Variants in ARSL observed in about 807,000 individuals in gnomAD.
The protein encoded by ARSL is arylsulfatase E (chondrodysplasia punctata 1).
ARSL carries 4 observed loss-of-function variants against 31.1 expected under a neutral mutation model. That is an observed-to-expected ratio of 0.13 (90% CI 0.06 to 0.29). ARSL has a LOEUF of 0.29. Ranked by LOEUF, ARSL falls within the 10% of genes least tolerant of loss-of-function variation. The pLI, the probability that ARSL is intolerant of heterozygous loss-of-function variation, is 1.00. For missense variants in ARSL, 312 were observed against 497.8 expected (o/e 0.63, Z 3.55); for synonymous variants, 198 against 209.9 (o/e 0.94, Z 0.49).
At chrX:2,948,799 A>G (rs2089419617) in intron 6 of ARSL, among the ~76,000 whole-genome samples, 1 of 111,473 alleles carries the variant, frequency 9.0e-6, no homozygotes, top group Non-Finnish European at 1.9e-5. Context: ...CTCAGCTGTA[A>G]CAATGTTTTA....
chrX:2,944,402 T>C (rs1314015264), intron 7 of ARSL, among the ~76,000 whole-genome samples: 1 of 101,210 alleles, frequency 9.9e-6, no homozygotes, highest in African/African-American at 3.7e-5. Flanking sequence ...TGCAGTGAGC[T>C]GAGACCGTGC....
chrX:2,949,803 A>G, intron 5 of ARSL, 76 bp from the exon 6 acceptor site: 1 of 1,069,224 alleles, frequency 9.4e-7, no homozygotes, highest in Non-Finnish European at 1.3e-6. Context: ...TGTTTGTCAC[A>G]TTCCTGATAC....
At chrX:2,941,474 C>T (rs1322708271) in intron 8 of ARSL, among the ~76,000 whole-genome samples, 9 of 110,807 alleles carry the variant, frequency 8.1e-5, no homozygotes, top group African/African-American at 2.3e-4. Context: ...AGGCTGGTCT[C>T]GAACTCCTAA....
At chrX:2,964,105 A>G (rs146732348) in intron 1 of ARSL, 119 bp downstream of exon 1, 1 of 725,510 alleles carries the variant, frequency 1.4e-6, no homozygotes, top group East Asian at 1.5e-4. Flanking sequence ...GCTTTATCAA[A>G]ACAAACTGGG....
intron 6 of ARSL, among the ~76,000 whole-genome samples, chrX:2,948,060 G>A (rs750135174): frequency 1.8e-5 from 2 of 112,386 alleles, no homozygotes; most frequent in Admixed American, 9.4e-5. Context: ...AGCGGAGGTC[G>A]CAGTGAGCCA....
At chrX:2,944,063 C>T (rs1167400219) in intron 7 of ARSL, among the ~76,000 whole-genome samples, 2 of 110,593 alleles carry the variant, frequency 1.8e-5, no homozygotes, top group African/African-American at 6.6e-5. Flanking sequence ...CCTGTGGTCC[C>T]AGGTACTTGG....
intron 6 of ARSL, among the ~76,000 whole-genome samples, chrX:2,948,578 C>T (rs1276240219): frequency 9.0e-6 from 1 of 111,160 alleles, no homozygotes; most frequent in African/African-American, 3.3e-5. Context: ...ATAGCCTCAA[C>T]CTCCTGGGCT....
chrX:2,935,692 CT>C (rs61012417), intron 10 of ARSL, among the ~76,000 whole-genome samples: 2,007 of 40,311 alleles, frequency 0.05, 55 homozygotes, highest in Middle Eastern at 0.11. Flanking sequence ...CTTTTCTTTT[CT>C]TTTTTTTTTT....
chrX:2,968,109 A>G (rs915505239), upstream of ARSL: 4 of 1,152,870 alleles, frequency 3.5e-6, no homozygotes, highest in African/African-American at 7.2e-5. Context: ...GCACGTGCAA[A>G]AGCCGGCCTG....
chrX:2,937,479 A>T (rs1455477066), intron 9 of ARSL, among the ~76,000 whole-genome samples: 1 of 111,207 alleles, frequency 9.0e-6, no homozygotes, highest in Non-Finnish European at 1.9e-5. Context: ...AGTTCTACCC[A>T]GGCCTTTCCT....
chrX:2,944,459 A>C (rs1368226845), intron 7 of ARSL, among the ~76,000 whole-genome samples: 1 of 57,563 alleles, frequency 1.7e-5, no homozygotes, highest in Non-Finnish European at 4.2e-5. Context: ...GTCTCAAAAA[A>C]AAAACAAAAA....
chrX:2,964,351 G>A, upstream of ARSL: 1 of 754,324 alleles, frequency 1.3e-6, no homozygotes, highest in Non-Finnish European at 1.6e-6. Flanking sequence ...CTTCGAGTTT[G>A]TTTTTCCCAA....
chrX:2,964,559 T>C, upstream of ARSL: 1 of 588,187 alleles, frequency 1.7e-6, no homozygotes, highest in Non-Finnish European at 2.1e-6. Context: ...TCCAGTGATC[T>C]GCCCTCCTTG....
intron 3 of ARSL, among the ~76,000 whole-genome samples, chrX:2,957,678 C>T (rs1435046710): frequency 2.0e-5 from 2 of 101,341 alleles, no homozygotes; most frequent in Non-Finnish European, 3.9e-5. Flanking sequence ...CACTGCACTC[C>T]AGCCTGGGCA....
intron 6 of ARSL, among the ~76,000 whole-genome samples, chrX:2,947,349 C>T (rs2089399882): frequency 8.9e-6 from 1 of 112,326 alleles, no homozygotes; most frequent in South Asian, 3.6e-4. Context: ...TATTTTTAAC[C>T]TCAAGCTTTA....
At chrX:2,951,400 C>A (rs1477958490) in intron 5 of ARSL, among the ~76,000 whole-genome samples, 1 of 110,423 alleles carries the variant, frequency 9.1e-6, no homozygotes, top group African/African-American at 3.3e-5. Flanking sequence ...GAGATGTCAA[C>A]CACCCCAATG....
At chrX:2,955,602 A>G (rs958795282) in intron 3 of ARSL, 65 bp from the exon 4 acceptor site, 38 of 1,146,977 alleles carry the variant, frequency 3.3e-5, no homozygotes, top group Non-Finnish European at 4.4e-5. Flanking sequence ...AAGCATAGCT[A>G]CATGCTACTT....
chrX:2,962,973 C>T (rs753753279), intron 1 of ARSL, among the ~76,000 whole-genome samples: 47 of 111,803 alleles, frequency 4.2e-4, no homozygotes, highest in Non-Finnish European at 8.1e-4. Flanking sequence ...TCAAGTTTTC[C>T]GGCCTTTCCA....
In ARSL at chrX:2,945,537, C is replaced by T. The variant is rs143434731; in HGVS notation, c.991+461G>A. 4.7e-3 allele frequency among the ~76,000 whole-genome samples: 528 copies of T among 111,936 alleles called. 4 individuals carry two copies. The highest frequency in any genetic ancestry group is 0.017 in the African/African-American group (510 of 30,854). On this transcript the variant is annotated intron_variant, in intron 7 of 10. Coordinates refer to ENST00000381134, the MANE Select transcript of ARSL (RefSeq NM_000047.3). Reference sequence around the variant, plus strand: ...GAAATCTCTGAGGTCATTATTCTCTCTAACACATGGGGATTAAGACGTGGA... The same window carrying T: ...GAAATCTCTGAGGTCATTATTCTCTTTAACACATGGGGATTAAGACGTGGA...
Sources: allele counts gnomAD v4.1 joint callset (sites outside exome capture counted in the v4.1 genomes callset), GRCh38; gene constraint gnomAD v4.1.1; transcripts MANE v1.5; gene names NCBI Gene and HGNC (gene_info 2026-07-23, HGNC 2026-07-21).